The following NCOR2 variants were observed in gnomAD, a reference collection of about 807,000 sequenced individuals.
The protein encoded by NCOR2 is nuclear receptor corepressor 2.
Under a neutral mutation model 262.9 loss-of-function variants are expected in NCOR2, and 81 were observed. The observed-to-expected ratio is 0.31, with a 90% confidence interval of 0.26 to 0.37. The LOEUF (loss-of-function observed/expected upper bound fraction) is 0.37, where lower values mean the gene tolerates loss of function less well. NCOR2 is among the 10% of genes least tolerant of loss of function. The pLI is 1.00. For synonymous variants in NCOR2, 1,659 were observed against 1,559.3 expected, an observed-to-expected ratio of 1.06 and a Z score of -1.51; for missense variants, 3,385 against 3,621.4, an observed-to-expected ratio of 0.93 and a Z score of 1.68.
chr12:124,444,868 G>A (rs1436844430), intron 7 of NCOR2, among the ~76,000 whole-genome samples: 1 of 152,152 alleles, frequency 6.6e-6, no homozygotes, highest in Non-Finnish European at 1.5e-5. Context: ...AGAGACCCAG[G>A]AGAGGAAGTT....
upstream of NCOR2, among the ~76,000 whole-genome samples, chr12:124,537,053 T>C (rs1273485622): frequency 6.6e-6 from 1 of 152,218 alleles, no homozygotes; most frequent in Non-Finnish European, 1.5e-5. Context: ...GCAGACTCTA[T>C]GGTTCCACGA....
chr12:124,449,835 C>T, exon 7 of NCOR2: 1 of 1,614,136 alleles, frequency 6.2e-7, no homozygotes, highest in Non-Finnish European at 8.5e-7. Flanking sequence ...TCTCATGATA[C>T]TGCCGGGTGT....
chr12:124,514,081 G>C (rs2049571679), intron 1 of NCOR2: 1 of 152,302 alleles, frequency 6.6e-6, no homozygotes, highest in Admixed American at 6.5e-5. Context: ...AGGGGTGCTG[G>C]AGTGTGAATG....
chr12:124,508,128 TC>T (rs2049151575), intron 1 of NCOR2, among the ~76,000 whole-genome samples: 1 of 152,130 alleles, frequency 6.6e-6, no homozygotes, highest in Admixed American at 6.5e-5. Context: ...CCCCAACCCA[TC>T]CCAGCCCCCA....
chr12:124,417,284 C>CGGACAGCAGGCCGGACACTCACTCCAT (rs1565924209), intron 13 of NCOR2, among the ~76,000 whole-genome samples: 1 of 151,986 alleles, frequency 6.6e-6, no homozygotes, highest in Non-Finnish European at 1.5e-5. Context: ...ACTCACTCCA[C>CGGACAGCAGGCCGGACACTCACTCCAT]GAAGAGCAAG....
chr12:124,372,789 A>G (rs1041855283), intron 19 of NCOR2, among the ~76,000 whole-genome samples, 179 bp from the exon 22 acceptor site: 2 of 152,000 alleles, frequency 1.3e-5, no homozygotes, highest in Non-Finnish European at 2.9e-5. Flanking sequence ...GCCCCTGACC[A>G]GGCCCCTACC....
chr12:124,545,330 G>A (rs1353308367), intron 1 of NCOR2, among the ~76,000 whole-genome samples: 2 of 152,164 alleles, frequency 1.3e-5, no homozygotes, highest in African/African-American at 4.8e-5. Flanking sequence ...GGGGCCAGAG[G>A]CCAGTGACAA....
rs2048311781 is a variant in NCOR2 at position 124,495,074 on chromosome 12, G to T, written c.105+73C>A. On this transcript the variant is annotated intron_variant, in intron 1 of 46. Transcript: ENST00000405201. The surrounding 1 kb of genome is among the most constrained non-coding windows in gnomAD (Gnocchi z 4.4). ...GAGCCTGGCTCCCAGGAGAAAGGAA[G>T]GGGTGAAGACTCAGTGGAATGGAAG... is the stretch of plus-strand genomic sequence containing the variant. The T allele has an allele frequency of 6.5e-7, 1 of 1,546,638 alleles. No homozygotes were observed. The highest frequency in any genetic ancestry group is 8.8e-7 in the Non-Finnish European group (1 of 1,140,634).
intron 13 of NCOR2, among the ~76,000 whole-genome samples, chr12:124,409,360 G>A (rs2042442492): frequency 6.6e-6 from 1 of 152,200 alleles, no homozygotes; most frequent in Non-Finnish European, 1.5e-5. Context: ...TGCACGTGCT[G>A]TGCCCACGGC....
chr12:124,335,838 C>T, intron 38 of NCOR2: 1 of 586,796 alleles, frequency 1.7e-6, no homozygotes. Context: ...GAGAGAGATG[C>T]AGAGCCCGGG....
chr12:124,449,793 A>G (rs1411072380), intron 7 of NCOR2, 22 bp downstream of exon 9: 1 of 1,613,628 alleles, frequency 6.2e-7, no homozygotes, highest in Non-Finnish European at 8.5e-7. Flanking sequence ...GTGTGTCTGC[A>G]CGGCTGCCCG....
In NCOR2 at chr12:124,531,970, C is replaced by G. The variant is rs1484512354; in HGVS notation, c.-118+3595G>C. Among the ~76,000 whole-genome samples the G allele has an allele frequency of 2.0e-5, 3 of 152,072 alleles. No homozygotes were observed. The highest frequency in any genetic ancestry group is 4.4e-5 in the Non-Finnish European group (3 of 68,010). ...TTGGGGCCAGGGGCTCCCACAGCCC[C>G]CTTCTAAGGTCCTAGGTCCGCAGGG... On this transcript the variant is annotated intron_variant, in intron 1 of 46. Coordinates refer to the NCOR2 transcript ENST00000404621. The surrounding 1 kb of genome is among the most constrained non-coding windows in gnomAD (Gnocchi z 4.5).
chr12:124,324,863 C>G, exon 47 of NCOR2: 1 of 152,612 alleles, frequency 6.6e-6, no homozygotes, highest in East Asian at 1.9e-4. Context: ...GCCCACCTGG[C>G]CTGACTTGGT....
intron 41 of NCOR2, among the ~76,000 whole-genome samples, chr12:124,333,632 T>G (rs1436639772): frequency 4.0e-5 from 6 of 149,574 alleles, no homozygotes; most frequent in Non-Finnish European, 8.9e-5. Context: ...CCTGCTGTCT[T>G]GCCATGTCTG....
At chr12:124,341,171 G>A (rs766638735) in intron 34 of NCOR2, among the ~76,000 whole-genome samples, 2 of 152,142 alleles carry the variant, frequency 1.3e-5, no homozygotes, top group African/African-American at 2.4e-5. Flanking sequence ...GCCCTGGAAC[G>A]TGTGCACGCA....
rs375125790 is a variant in NCOR2, at chr12:124,449,802, C to T, written c.815+13G>A. 2.9e-5 allele frequency: 46 copies of T among 1,613,922 alleles called. No individual in the cohort carries two copies. The highest frequency in any genetic ancestry group is 1.1e-4 in the African/African-American group (8 of 75,060). ...GCCTCTGTGTGTCTGCACGGCTGCC[C>T]GCGAGCACTCACATTTTGATGTTCT... On this transcript the variant is annotated intron_variant, in intron 7 of 46. Coordinates refer to ENST00000405201, the Ensembl canonical transcript of NCOR2.
chr12:124,363,496 C>G (rs1313369660), intron 21 of NCOR2, among the ~76,000 whole-genome samples, 183 bp downstream of exon 23: 1 of 152,274 alleles, frequency 6.6e-6, no homozygotes, highest in African/African-American at 2.4e-5. Context: ...GGGAGCCCCA[C>G]CCGGTACGCC....
intron 7 of NCOR2, 140 bp from the exon 10 acceptor site, chr12:124,438,136 TC>T: frequency 1.4e-6 from 1 of 740,240 alleles, no homozygotes; most frequent in Non-Finnish European, 2.2e-6. Context: ...CCGTGCTGTA[TC>T]CCCAGAGAGA....
At position 124,517,691 on chromosome 12, in the gene NCOR2, C is replaced by G. The variant is rs1412635397; in HGVS notation, c.-118+17874G>C. Among the ~76,000 whole-genome samples, 4 of 152,246 alleles carry G rather than the reference C, an allele frequency of 2.6e-5. No individual in the cohort carries two copies. Among genetic ancestry groups the G allele is most frequent in the African/African-American group, 4.8e-5 (2 of 41,476 alleles). On this transcript the variant is annotated intron_variant, in intron 1 of 46. Transcript: ENST00000404621. This position sits in a 1 kb window ranked among gnomAD's most constrained non-coding sequence, Gnocchi z 7.6. The stretch of plus-strand genomic sequence containing the variant: ...CCCCCAAGGCTCGCCATGCTCCCCC[C>G]CAGGGACGCCGGATGTGCACCAAGG...
Sources: allele counts gnomAD v4.1 joint callset (sites outside exome capture counted in the v4.1 genomes callset), GRCh38; gene constraint gnomAD v4.1.1; non-coding constraint Gnocchi (gnomAD v3.1); transcripts MANE v1.5; gene names NCBI Gene and HGNC (gene_info 2026-07-23, HGNC 2026-07-21).